TEK: variants seen among roughly 807,000 people sequenced by gnomAD.
The protein encoded by TEK is TEK receptor tyrosine kinase.
A neutral mutation model predicts 131.8 loss-of-function variants in TEK; 43 were observed. The observed-to-expected ratio is 0.33, with a 90% confidence interval of 0.26 to 0.42. TEK has a LOEUF of 0.42. Ranked by LOEUF, TEK falls within the 10% of genes least tolerant of loss-of-function variation. The pLI, the probability that TEK is intolerant of heterozygous loss-of-function variation, is 1.00. For missense variants in TEK, 1,162 were observed against 1,384.4 expected, an observed-to-expected ratio of 0.84 and a Z score of 2.55; for synonymous variants, 580 against 491.6, an observed-to-expected ratio of 1.18 and a Z score of -2.38.
At chr9:27,148,666 A>T (rs1823021314) in intron 1 of TEK, among the ~76,000 whole-genome samples, 1 of 152,250 alleles carries the variant, frequency 6.6e-6, no homozygotes, top group Non-Finnish European at 1.5e-5. Context: ...CAAGAGATGG[A>T]GAAAGAAACT....
chr9:27,206,480 T>A, intron 14 of TEK, 102 bp from the exon 15 acceptor site: 1 of 1,234,668 alleles, frequency 8.1e-7, no homozygotes, highest in Non-Finnish European at 1.2e-6. Flanking sequence ...TTAAATACAG[T>A]ATTTCTTTTT....
At chr9:27,169,663 G>A in intron 4 of TEK, 34 bp downstream of exon 4, 1 of 1,613,372 alleles carries the variant, frequency 6.2e-7, no homozygotes, top group South Asian at 1.1e-5. Flanking sequence ...TTGTGATGGT[G>A]TAGTTGTTAG....
chr9:27,183,395 A>G (rs1366960112), intron 7 of TEK, 64 bp from the exon 8 acceptor site: 1 of 1,570,696 alleles, frequency 6.4e-7, no homozygotes, highest in Non-Finnish European at 8.8e-7. Context: ...AGCTATTTTT[A>G]TTATTACTAC....
rs541234809 is a variant in TEK, at chr9:27,119,971, C to T, written c.52+10329C>T. On this transcript the variant is annotated intron_variant, in intron 1 of 22. Transcript: ENST00000380036. The stretch of plus-strand genomic sequence containing the variant: ...CTCCCCCCATTTCAGCACATATTTG[C>T]TCTAATTCCACCTTCCTTTAGTCTC... Among the ~76,000 whole-genome samples the T allele has an allele frequency of 4.6e-5, 7 of 152,256 alleles. No homozygotes were observed. The East Asian group carries it at 9.7e-4, about 21-fold the overall frequency.
chr9:27,160,195 C>T (rs568064377), intron 2 of TEK, among the ~76,000 whole-genome samples: 17 of 151,740 alleles, frequency 1.1e-4, no homozygotes, highest in Admixed American at 7.2e-4. Flanking sequence ...GCTAATTAAA[C>T]GAATTTTTCA....
At chr9:27,168,123 T>C (rs1823805361) in intron 2 of TEK, among the ~76,000 whole-genome samples, 1 of 152,156 alleles carries the variant, frequency 6.6e-6, no homozygotes, top group Non-Finnish European at 1.5e-5. Context: ...AATGCAAATA[T>C]TTCAAAATGG....
At chr9:27,190,014 T>C (rs751637276) in intron 9 of TEK, among the ~76,000 whole-genome samples, 1 of 152,204 alleles carries the variant, frequency 6.6e-6, no homozygotes, top group Non-Finnish European at 1.5e-5. Flanking sequence ...TAATTCAGTT[T>C]CTATGATAGC....
In TEK at chr9:27,173,366, T is replaced by G. The variant is rs774483756; in HGVS notation, c.901+4T>G. 1 of 1,613,726 alleles carries G rather than the reference T, an allele frequency of 6.2e-7. No homozygotes were observed. Among genetic ancestry groups the G allele is most frequent in the Admixed American group, 1.7e-5 (1 of 59,986 alleles). On this transcript the variant is annotated splice_donor_region_variant and intron_variant, in intron 6 of 22. Coordinates refer to ENST00000380036, the MANE Select transcript of TEK (RefSeq NM_000459.5). ...AAGGGTCTGCAGTGCAATGAAGGTA[T>G]GCACCAATCACACCCTTGGACAGAG... is the stretch of plus-strand genomic sequence containing the variant.
At chr9:27,216,624 A>G (rs1321307944) in intron 18 of TEK, among the ~76,000 whole-genome samples, 2 of 152,202 alleles carry the variant, frequency 1.3e-5, no homozygotes, top group Admixed American at 6.5e-5. Context: ...AAAGTACAAA[A>G]TTACCATTTA....
chr9:27,226,929 A>C (rs1013993200), intron 21 of TEK, among the ~76,000 whole-genome samples: 1 of 152,142 alleles, frequency 6.6e-6, no homozygotes, highest in Non-Finnish European at 1.5e-5. Flanking sequence ...AAATGGAGCT[A>C]CTTCTAAGAG....
At chr9:27,173,737 G>GT (rs35971876) in intron 6 of TEK, among the ~76,000 whole-genome samples, 1,757 of 93,970 alleles carry the variant, frequency 0.019, 27 homozygotes, top group South Asian at 0.046. Flanking sequence ...TTTTTTTTTG[G>GT]TTTTTTTTTT....
intron 7 of TEK, 85 bp downstream of exon 7, chr9:27,180,453 T>G: frequency 6.5e-7 from 1 of 1,539,700 alleles, no homozygotes; most frequent in Non-Finnish European, 8.8e-7. Flanking sequence ...GCCGGCATTC[T>G]AAGATCCTCA....
chr9:27,170,518 G>A (rs1823914625), intron 4 of TEK, among the ~76,000 whole-genome samples: 1 of 152,164 alleles, frequency 6.6e-6, no homozygotes, highest in African/African-American at 2.4e-5. Context: ...CTAGCTATTT[G>A]ACAGGTTGAG....
chr9:27,168,126 C>G (rs1308315038), intron 2 of TEK, among the ~76,000 whole-genome samples: 3 of 152,024 alleles, frequency 2.0e-5, no homozygotes, highest in Non-Finnish European at 2.9e-5. Context: ...GCAAATATTT[C>G]AAAATGGAAA....
intron 1 of TEK, among the ~76,000 whole-genome samples, chr9:27,144,835 T>C (rs1822856071): frequency 6.6e-6 from 1 of 152,166 alleles, no homozygotes; most frequent in Non-Finnish European, 1.5e-5. Flanking sequence ...CTTCAGAACC[T>C]AGAGCTCCTG....
chr9:27,211,670 A>G (rs1332095943), intron 16 of TEK, among the ~76,000 whole-genome samples: 3 of 151,906 alleles, frequency 2.0e-5, no homozygotes, highest in Non-Finnish European at 4.4e-5. Flanking sequence ...AGGTCTCAGT[A>G]TACTGCCCAA....
At chr9:27,192,681 A>C (rs1001974970) in intron 11 of TEK, 58 bp downstream of exon 11, 35 of 1,527,128 alleles carry the variant, frequency 2.3e-5, no homozygotes, top group Admixed American at 5.2e-5. Context: ...GAGGAAGGGG[A>C]AAGAGGAAGG....
intron 9 of TEK, among the ~76,000 whole-genome samples, chr9:27,190,137 T>C (rs1824757965): frequency 6.6e-6 from 1 of 152,124 alleles, no homozygotes; most frequent in Non-Finnish European, 1.5e-5. Flanking sequence ...AGGAGGTTCG[T>C]GCTTTGTTAG....
At chr9:27,191,237 G>A (rs1393730319) in intron 10 of TEK, among the ~76,000 whole-genome samples, 4 of 152,116 alleles carry the variant, frequency 2.6e-5, no homozygotes, top group Non-Finnish European at 1.5e-5. Flanking sequence ...GGGCTCGGGG[G>A]AGGACAAGGA....
Sources: allele counts gnomAD v4.1 joint callset (sites outside exome capture counted in the v4.1 genomes callset), GRCh38; gene constraint gnomAD v4.1.1; transcripts MANE v1.5; gene names NCBI Gene and HGNC (gene_info 2026-07-23, HGNC 2026-07-21).